The following VOPP1 variants were observed in gnomAD, a reference collection of about 807,000 sequenced individuals.
The protein encoded by VOPP1 is VOPP1 WW domain binding protein, also known as WW domain binding protein VOPP1.
VOPP1 carries 8 observed loss-of-function variants against 23.5 expected under a neutral mutation model. The observed-to-expected ratio is 0.34, with a 90% CI of 0.20 to 0.61. The LOEUF (loss-of-function observed/expected upper bound fraction) is 0.61. VOPP1 is among the 20% of genes least tolerant of loss of function. VOPP1 has a pLI of 0.78. For synonymous variants in VOPP1, 83 were observed against 97.3 expected (o/e 0.85, Z 0.86); for missense variants, 174 against 238.1 (o/e 0.73, Z 1.77).
intron 4 of VOPP1, among the ~76,000 whole-genome samples, chr7:55,439,483 G>A (rs1024750784): frequency 6.6e-6 from 1 of 152,132 alleles, no homozygotes; most frequent in African/African-American, 2.4e-5. Flanking sequence ...GCGAAATAGG[G>A]TCAAGAAAAA....
intron 2 of VOPP1, among the ~76,000 whole-genome samples, chr7:55,509,687 G>A (rs1339211512): frequency 6.6e-6 from 1 of 152,180 alleles, no homozygotes; most frequent in South Asian, 2.1e-4. Flanking sequence ...TGCTGCAAAA[G>A]TGAATTCCTC....
intron 2 of VOPP1, among the ~76,000 whole-genome samples, chr7:55,503,975 T>A (rs1285405982): frequency 2.0e-5 from 3 of 152,240 alleles, no homozygotes; most frequent in Non-Finnish European, 4.4e-5. Flanking sequence ...CATCTCTGCA[T>A]CTGGTGGAGC....
intron 2 of VOPP1, among the ~76,000 whole-genome samples, chr7:55,507,865 A>C (rs1211167914): frequency 6.6e-6 from 1 of 152,166 alleles, no homozygotes; most frequent in Non-Finnish European, 1.5e-5. Flanking sequence ...TCTGGGTTCT[A>C]AGGAGGGGGC....
chr7:55,477,383 G>C (rs1792341606), intron 4 of VOPP1, among the ~76,000 whole-genome samples: 1 of 152,232 alleles, frequency 6.6e-6, no homozygotes, highest in Admixed American at 6.5e-5. Flanking sequence ...ACTTGGATCT[G>C]GACTTTGGCG....
intron 1 of VOPP1, among the ~76,000 whole-genome samples, chr7:55,528,054 A>G (rs1415455426): frequency 2.6e-5 from 4 of 152,214 alleles, no homozygotes; most frequent in African/African-American, 9.6e-5. Flanking sequence ...AGTTTAAACA[A>G]TTGAGAACAA....
chr7:55,473,015 G>A lies in VOPP1; in HGVS notation c.359C>T (p.Thr120Ile), dbSNP rs754747717. The A allele has an allele frequency of 2.5e-6, 4 of 1,599,078 alleles. No individual in the cohort carries two copies. Among genetic ancestry groups the A allele is most frequent in the Non-Finnish European group, 3.4e-6 (4 of 1,174,292 alleles). Residue 120 changes from threonine (T) to isoleucine (I), a missense_variant, in exon 5 of 5, where the codon ACC becomes ATC. Physicochemically the swap from Thr to Ile is moderately conservative, Grantham distance 89 (BLOSUM62 -1). Transcript: ENST00000285279. ...GTTCATCCCCGGTCCTCCTGGGTCG[G>A]TGTAATAGGGCGGCCCCGGCTGCTG... ...GAQQPGPPYY[T>I]DPGGPGMNPV...
intron 4 of VOPP1, among the ~76,000 whole-genome samples, chr7:55,459,852 TA>T (rs1791455165): frequency 6.6e-6 from 1 of 152,146 alleles, no homozygotes; most frequent in Non-Finnish European, 1.5e-5. Context: ...TATTGTTTTT[TA>T]GTCTCTATTT....
At chr7:55,443,644 CTTTT>C (rs550168169) in intron 4 of VOPP1, among the ~76,000 whole-genome samples, 2 of 133,784 alleles carry the variant, frequency 1.5e-5, no homozygotes, top group Non-Finnish European at 1.6e-5. Context: ...ATTATTGTCC[CTTTT>C]TTTTTTTTTT....
At chr7:55,538,649 G>T (rs139766541) in intron 1 of VOPP1, 1 of 1,535,510 alleles carries the variant, frequency 6.5e-7, no homozygotes, top group Non-Finnish European at 8.7e-7. Flanking sequence ...CAAGAGTTTC[G>T]CTGAGCATTG....
intron 4 of VOPP1, among the ~76,000 whole-genome samples, chr7:55,443,280 C>T (rs977439638): frequency 4.0e-5 from 6 of 150,770 alleles, no homozygotes; most frequent in South Asian, 2.1e-4. Flanking sequence ...TGTGGCTGGG[C>T]GTGGTGGCTC....
At chr7:55,525,084 A>C (rs1796090872) in intron 1 of VOPP1, among the ~76,000 whole-genome samples, 1 of 152,114 alleles carries the variant, frequency 6.6e-6, no homozygotes, top group Admixed American at 6.6e-5. Context: ...GGCAAAGGGG[A>C]ACCCACAGGG....
rs59957512 is a variant in VOPP1, at chr7:55,500,913, T to A, written c.114-3223A>T. On this transcript the variant is annotated intron_variant, in intron 2 of 4. Transcript: ENST00000285279. ...CTCTCCAGTAACATGGAGCCTTTCA[T>A]GACCAAAGGGTCACCTTCTCTATCC... 2.3e-3 allele frequency among the ~76,000 whole-genome samples: 354 copies of A among 152,346 alleles called. 1 individual carries two copies. The highest frequency in any genetic ancestry group is 7.6e-3 in the African/African-American group (318 of 41,582).
intron 1 of VOPP1, among the ~76,000 whole-genome samples, chr7:55,568,557 G>A (rs1798240622): frequency 6.6e-6 from 1 of 152,174 alleles, no homozygotes; most frequent in Non-Finnish European, 1.5e-5. Flanking sequence ...TGGTATTGGT[G>A]AGTTTTACAC....
chr7:55,441,018 A>C (rs1790951805), intron 4 of VOPP1, among the ~76,000 whole-genome samples: 1 of 152,192 alleles, frequency 6.6e-6, no homozygotes, highest in Non-Finnish European at 1.5e-5. Flanking sequence ...TTTTGCTGAT[A>C]TCTTCATTTT....
intron 4 of VOPP1, among the ~76,000 whole-genome samples, chr7:55,451,279 T>TA (rs1791237019): frequency 6.6e-6 from 1 of 151,858 alleles, no homozygotes; most frequent in African/African-American, 2.4e-5. Flanking sequence ...AGTTATGGGG[T>TA]AGGGGGCAAA....
chr7:55,511,001 G>A (rs763505287), intron 2 of VOPP1, among the ~76,000 whole-genome samples: 5 of 152,116 alleles, frequency 3.3e-5, no homozygotes, highest in Admixed American at 6.5e-5. Context: ...TTAACTGTTA[G>A]AGGCCTCTGT....
chr7:55,572,179 A>G, intron 1 of VOPP1, 92 bp downstream of exon 1: 2 of 1,078,910 alleles, frequency 1.9e-6, no homozygotes, highest in Non-Finnish European at 2.6e-6. Flanking sequence ...GCTCCCAGGC[A>G]AGGTCCTCTG....
intron 4 of VOPP1, among the ~76,000 whole-genome samples, chr7:55,481,521 C>T (rs1346142283): frequency 2.0e-5 from 3 of 152,152 alleles, no homozygotes; most frequent in Non-Finnish European, 4.4e-5. Context: ...TGGCTGGAGC[C>T]CTGGAAGAAC....
chr7:55,438,359 G>A (rs979610549), intron 4 of VOPP1, among the ~76,000 whole-genome samples: 10 of 152,234 alleles, frequency 6.6e-5, no homozygotes, highest in East Asian at 1.9e-4. Context: ...ACCTGAATGC[G>A]TCTGCAGTCT....
Sources: gnomAD v4.1 joint callset for allele counts (sites outside exome capture counted in the v4.1 genomes callset) on GRCh38, gnomAD v4.1.1 for gene constraint, MANE v1.5 for transcripts, NCBI Gene and HGNC (gene_info 2026-07-23, HGNC 2026-07-21) for gene names.